The following ASIC2 variants were observed in gnomAD, a reference collection of about 807,000 sequenced individuals.
The protein encoded by ASIC2 is acid-sensing ion channel 2.
Under a neutral mutation model 57.3 loss-of-function variants are expected in ASIC2, and 25 were observed. The ratio of observed to expected loss-of-function variants is 0.44; its 90% confidence interval spans 0.32 to 0.61. ASIC2 has a LOEUF of 0.61. Ranked by LOEUF, ASIC2 falls within the 20% of genes least tolerant of loss-of-function variation. ASIC2 has a pLI of 0.06. For synonymous variants in ASIC2, 319 were observed against 307.5 expected, an observed-to-expected ratio of 1.04 and a Z score of -0.39; for missense variants, 641 against 738.1, an observed-to-expected ratio of 0.87 and a Z score of 1.52.
intron 1 of ASIC2, among the ~76,000 whole-genome samples, chr17:33,308,613 C>T (rs367550846): frequency 1.2e-3 from 180 of 151,542 alleles, no homozygotes; most frequent in Non-Finnish European, 2.2e-3. Flanking sequence ...ACTGAACAAA[C>T]GAATGAATGA....
chr17:33,515,541 T>C (rs879245744), intron 1 of ASIC2, among the ~76,000 whole-genome samples: 1 of 152,240 alleles, frequency 6.6e-6, no homozygotes, highest in Non-Finnish European at 1.5e-5. Flanking sequence ...AGACACGGAA[T>C]GTGAAGTGTT....
chr17:33,737,797 T>C (rs1488834105), intron 1 of ASIC2, among the ~76,000 whole-genome samples: 1 of 152,190 alleles, frequency 6.6e-6, no homozygotes, highest in African/African-American at 2.4e-5. Context: ...CAGTTTACTT[T>C]GAATATGCAC....
At chr17:33,775,814 T>C (rs546061326) in intron 1 of ASIC2, among the ~76,000 whole-genome samples, 2 of 152,142 alleles carry the variant, frequency 1.3e-5, no homozygotes, top group Non-Finnish European at 2.9e-5. Context: ...TGACCTTCAG[T>C]GATTCCTATA....
chr17:34,023,978 G>A (rs1472723910), intron 1 of ASIC2, among the ~76,000 whole-genome samples: 1 of 152,176 alleles, frequency 6.6e-6, no homozygotes, highest in Non-Finnish European at 1.5e-5. Context: ...TATGAGGCAG[G>A]TGTTACTACT....
chr17:33,578,106 G>A (rs1486382432), intron 1 of ASIC2, among the ~76,000 whole-genome samples: 2 of 152,094 alleles, frequency 1.3e-5, no homozygotes, highest in Non-Finnish European at 1.5e-5. Flanking sequence ...TGACTTATAA[G>A]ACACCTTTGG....
chr17:33,119,960 T>C (rs2092294976), intron 1 of ASIC2, among the ~76,000 whole-genome samples: 1 of 152,196 alleles, frequency 6.6e-6, no homozygotes, highest in South Asian at 2.1e-4. Flanking sequence ...GGCACTGTGC[T>C]GATTGCTTTG....
At chr17:34,051,137 A>G (rs977198715) in intron 1 of ASIC2, among the ~76,000 whole-genome samples, 9 of 152,172 alleles carry the variant, frequency 5.9e-5, no homozygotes, top group African/African-American at 1.9e-4. Flanking sequence ...AACAGCAGAG[A>G]AAAAAGAGTG....
chr17:33,768,464 T>C (rs1398733446), intron 1 of ASIC2, among the ~76,000 whole-genome samples: 5 of 152,142 alleles, frequency 3.3e-5, no homozygotes, highest in African/African-American at 7.2e-5. Flanking sequence ...AACAAGCATA[T>C]AAATGGGCCT....
chr17:33,193,296 C>T (rs1906497955), intron 1 of ASIC2, among the ~76,000 whole-genome samples: 1 of 152,196 alleles, frequency 6.6e-6, no homozygotes, highest in Admixed American at 6.5e-5. Context: ...GGCCTCGCCA[C>T]CCTCTCCCAG....
chr17:33,520,730 T>C (rs1386218307), intron 1 of ASIC2, among the ~76,000 whole-genome samples: 1 of 152,252 alleles, frequency 6.6e-6, no homozygotes, highest in African/African-American at 2.4e-5. Flanking sequence ...AAACTTTATT[T>C]GCTTCACAGC....
chr17:33,731,985 T>A (rs1365453502), intron 1 of ASIC2, among the ~76,000 whole-genome samples: 1 of 152,210 alleles, frequency 6.6e-6, no homozygotes, highest in Non-Finnish European at 1.5e-5. Context: ...AAAAAAATGA[T>A]GATTCATAAA....
chr17:34,015,068 C>G (rs1254147021), intron 1 of ASIC2, among the ~76,000 whole-genome samples: 2 of 129,674 alleles, frequency 1.5e-5, no homozygotes, highest in Non-Finnish European at 3.3e-5. Context: ...TTTCTTCTGC[C>G]TTTTTTTTTT....
chr17:33,695,680 CACA>C (rs2142066228), intron 1 of ASIC2, among the ~76,000 whole-genome samples: 1 of 152,270 alleles, frequency 6.6e-6, no homozygotes, highest in South Asian at 2.1e-4. Context: ...ATTTTACTTA[CACA>C]TAGGCACACA....
chr17:34,073,141 TAAAG>T (rs1487853509), intron 1 of ASIC2, among the ~76,000 whole-genome samples: 1 of 152,178 alleles, frequency 6.6e-6, no homozygotes, highest in Non-Finnish European at 1.5e-5. Flanking sequence ...ACTTTTTCTA[TAAAG>T]AGTCATATTG....
intron 1 of ASIC2, among the ~76,000 whole-genome samples, chr17:34,133,246 G>A (rs1372742851): frequency 2.7e-5 from 4 of 150,398 alleles, no homozygotes; most frequent in African/African-American, 7.3e-5. Context: ...GCCTTCAAGC[G>A]TCTTTCTTTT....
chr17:33,955,751 G>A (rs747615883), intron 1 of ASIC2, among the ~76,000 whole-genome samples: 5 of 152,122 alleles, frequency 3.3e-5, no homozygotes, highest in Non-Finnish European at 7.4e-5. Flanking sequence ...GCCCAACAGG[G>A]CCCCTCCTCC....
At chr17:33,859,121 A>T (rs1244786789) in intron 1 of ASIC2, among the ~76,000 whole-genome samples, 1 of 152,220 alleles carries the variant, frequency 6.6e-6, no homozygotes, top group Non-Finnish European at 1.5e-5. Context: ...CATAAATCTC[A>T]ATAATTTAAA....
chr17:33,192,341 C>G (rs1157701286), intron 1 of ASIC2, among the ~76,000 whole-genome samples: 1 of 152,014 alleles, frequency 6.6e-6, no homozygotes, highest in Non-Finnish European at 1.5e-5. Context: ...CAAGACCATG[C>G]CATTGCACTC....
At chr17:33,256,679 G>T (rs948717497) in intron 1 of ASIC2, among the ~76,000 whole-genome samples, 1 of 152,064 alleles carries the variant, frequency 6.6e-6, no homozygotes, top group African/African-American at 2.4e-5. Context: ...TAAAAATACA[G>T]AAATTAGCCA....
Sources: gnomAD v4.1 joint callset for allele counts (sites outside exome capture counted in the v4.1 genomes callset) on GRCh38, gnomAD v4.1.1 for gene constraint, MANE v1.5 for transcripts, NCBI Gene and HGNC (gene_info 2026-07-23, HGNC 2026-07-21) for gene names.